The following ZC3H7A variants were observed in gnomAD, a reference collection of about 807,000 sequenced individuals.
ZC3H7A encodes zinc finger CCCH-type containing 7A.
A neutral mutation model predicts 125.5 loss-of-function variants in ZC3H7A; 44 were observed. The observed-to-expected ratio is 0.35, with a 90% CI of 0.28 to 0.45. The LOEUF is 0.45. Among genes scored for constraint, ZC3H7A ranks in the 20% least tolerant of loss-of-function variants. The probability of loss-of-function intolerance (pLI) is 1.00; values close to 1 mark genes in which losing one functional copy is unlikely to be tolerated. For synonymous variants in ZC3H7A, 399 were observed against 391.2 expected (o/e 1.02, Z -0.23); for missense variants, 977 against 1,170.7 (o/e 0.83, Z 2.41).
chr16:11,777,226 G>A (rs761207230), intron 4 of ZC3H7A, among the ~76,000 whole-genome samples: 6 of 151,974 alleles, frequency 3.9e-5, no homozygotes, highest in Non-Finnish European at 7.4e-5. Flanking sequence ...TCTCCTATTC[G>A]CTCCTCTGTA....
chr16:11,767,641 A>C, intron 12 of ZC3H7A, 63 bp from the exon 13 acceptor site: 2 of 1,444,236 alleles, frequency 1.4e-6, no homozygotes, highest in Non-Finnish European at 9.3e-7. Context: ...TTTACAGGTA[A>C]ATTTACAAGC....
intron 3 of ZC3H7A, among the ~76,000 whole-genome samples, chr16:11,780,318 G>A (rs141634711): frequency 6.6e-6 from 1 of 151,598 alleles, no homozygotes; most frequent in Non-Finnish European, 1.5e-5. Context: ...ACAGGGTTTC[G>A]CCATGTTGCC....
intron 1 of ZC3H7A, 42 bp from the exon 2 acceptor site, chr16:11,782,430 T>A: frequency 6.5e-7 from 1 of 1,534,028 alleles, no homozygotes. Context: ...GGTACCAGGG[T>A]CCCTGGACTC....
At chr16:11,754,915 G>T (rs945821665) in intron 21 of ZC3H7A, among the ~76,000 whole-genome samples, 37 of 84,658 alleles carry the variant, frequency 4.4e-4, no homozygotes, top group Admixed American at 3.7e-3. Context: ...AAAAAAAAAA[G>T]AATACATGTG....
intron 1 of ZC3H7A, among the ~76,000 whole-genome samples, chr16:11,789,177 G>C (rs1311089989): frequency 1.3e-5 from 2 of 152,122 alleles, no homozygotes; most frequent in African/African-American, 4.8e-5. Flanking sequence ...GGGTTCATGG[G>C]ACTCCATGTA....
At chr16:11,771,061 G>A in intron 9 of ZC3H7A, 74 bp from the exon 10 acceptor site, 1 of 1,351,764 alleles carries the variant, frequency 7.4e-7, no homozygotes, top group Non-Finnish European at 1.0e-6. Context: ...TTCAACACCA[G>A]CAAATAAAAG....
chr16:11,775,060 A>G (rs767933450), intron 7 of ZC3H7A, 47 bp from the exon 8 acceptor site: 1 of 1,605,358 alleles, frequency 6.2e-7, no homozygotes, highest in Non-Finnish European at 8.5e-7. Context: ...CAGGACTCTA[A>G]GCCATAAAAC....
At chr16:11,781,509 C>A in intron 2 of ZC3H7A, 45 bp from the exon 3 acceptor site, 2 of 1,594,600 alleles carry the variant, frequency 1.3e-6, no homozygotes, top group Non-Finnish European at 1.7e-6. Flanking sequence ...AGCTCCTTAT[C>A]GGGACCTGTT....
chr16:11,768,542 C>G (rs531239709), intron 11 of ZC3H7A, 41 bp from the exon 12 acceptor site: 2 of 1,354,654 alleles, frequency 1.5e-6, no homozygotes, highest in African/African-American at 1.5e-5. Context: ...AAACAGCCAA[C>G]AAATATTGCA....
intron 9 of ZC3H7A, among the ~76,000 whole-genome samples, chr16:11,772,989 C>T (rs2053013373): frequency 6.6e-6 from 1 of 151,780 alleles, no homozygotes; most frequent in Admixed American, 6.6e-5. Flanking sequence ...CTGCACCCAG[C>T]AGAAAAGGCT....
At chr16:11,783,555 C>G (rs2053207189) in intron 1 of ZC3H7A, among the ~76,000 whole-genome samples, 1 of 152,156 alleles carries the variant, frequency 6.6e-6, no homozygotes, top group African/African-American at 2.4e-5. Context: ...CCCAACCCCA[C>G]TCACAACCAA....
intron 7 of ZC3H7A, among the ~76,000 whole-genome samples, chr16:11,775,286 GC>G (rs2053060104): frequency 6.6e-6 from 1 of 151,878 alleles, no homozygotes; most frequent in African/African-American, 2.4e-5. Flanking sequence ...CAAGAGAACT[GC>G]TTGAACCCGG....
At chr16:11,778,020 CA>C (rs58410590) in intron 4 of ZC3H7A, among the ~76,000 whole-genome samples, 28,619 of 84,312 alleles carry the variant, frequency 0.34, 2,763 homozygotes, top group East Asian at 0.53. Context: ...ACTCTTGTCT[CA>C]AAAAAAAAAA....
chr16:11,790,594 C>A (rs987776718), intron 1 of ZC3H7A, among the ~76,000 whole-genome samples: 1 of 151,912 alleles, frequency 6.6e-6, no homozygotes, highest in African/African-American at 2.4e-5. Flanking sequence ...GGCTGGAGTG[C>A]AATGGCACGA....
At chr16:11,756,401 G>A (rs1420024316) in intron 20 of ZC3H7A, 31 bp from the exon 21 acceptor site, 2 of 1,604,804 alleles carry the variant, frequency 1.2e-6, no homozygotes, top group African/African-American at 2.7e-5. Context: ...TTCAGCAGCA[G>A]CAACTAAACT....
In ZC3H7A at chr16:11,763,666, T is replaced by C; in HGVS notation, c.1821-7A>G. The stretch of plus-strand genomic sequence containing the variant: ...CAAAATGTGGACAAGGCACCTAAGA[T>C]GAAAACAGTGACATTTTAATATTGT... On this transcript the variant is annotated splice_polypyrimidine_tract_variant and splice_region_variant and intron_variant, in intron 15 of 22. Transcript: ENST00000355758. The C allele has an allele frequency of 1.3e-6, 2 of 1,488,498 alleles. No homozygotes were observed. Among genetic ancestry groups the C allele is most frequent in the Non-Finnish European group, 1.8e-6 (2 of 1,108,804 alleles). 92.2% of individuals were successfully genotyped at this position (1,488,498 alleles called of 1,614,324 possible).
chr16:11,785,411 CAGG>C (rs1227078690), intron 1 of ZC3H7A, among the ~76,000 whole-genome samples: 2 of 151,692 alleles, frequency 1.3e-5, no homozygotes, highest in Non-Finnish European at 2.9e-5. Flanking sequence ...ATGATGGAGG[CAGG>C]AGGATGGCTT....
chr16:11,769,601 C>T (rs1332896296), intron 10 of ZC3H7A, among the ~76,000 whole-genome samples: 1 of 148,794 alleles, frequency 6.7e-6, no homozygotes, highest in Admixed American at 6.8e-5. Flanking sequence ...ATCCCAGCTA[C>T]TCAGGAGGCT....
At position 11,758,520 on chromosome 16, in the gene ZC3H7A, G is replaced by T. The variant is rs760288922; in HGVS notation, c.2339C>A (p.Ser780Tyr). ...LQFDLCNHIA[S>Y]GKKCQYVGNC... is the part of the protein sequence containing the mutation. ...TCCAACATATTGACATTTTTTCCCA[G>T]AAGCAATATGGTTGCACAGCTGTAT... The change falls in exon 20 of 23, where the codon TCT (serine) becomes TAT (tyrosine). Residue 780 changes from serine (S) to tyrosine (Y), a missense_variant. Ser to Tyr is a moderately radical substitution (Grantham distance 144). Around this residue, in one of 3 missense-constraint regions of ZC3H7A, gnomAD observed 436 missense variants for 603.2 expected, o/e 0.72. Transcript: ENST00000355758. 1.9e-6 allele frequency: 3 copies of T among 1,613,138 alleles called. No homozygotes were observed. The highest frequency in any genetic ancestry group is 2.5e-6 in the Non-Finnish European group (3 of 1,179,472).
Sources: allele counts gnomAD v4.1 joint callset (sites outside exome capture counted in the v4.1 genomes callset), GRCh38; gene constraint gnomAD v4.1.1; regional missense constraint gnomAD v4.1.1; transcripts MANE v1.5; gene names NCBI Gene and HGNC (gene_info 2026-07-23, HGNC 2026-07-21).